The following LTV1 variants were observed in gnomAD, a reference collection of about 807,000 sequenced individuals.
LTV1 encodes LTV1 ribosome biogenesis factor, also known as protein LTV1 homolog.
LTV1 carries 39 observed loss-of-function variants against 59.9 expected under a neutral mutation model. The observed-to-expected ratio is 0.65, with a 90% CI of 0.50 to 0.85. LTV1 has a LOEUF of 0.85. Ranked by LOEUF, LTV1 falls within the 40% of genes least tolerant of loss-of-function variation. LTV1 has a pLI of 0.00. For missense variants in LTV1, 493 were observed against 549.1 expected (o/e 0.90, Z 1.02); for synonymous variants, 171 against 189.5 (o/e 0.90, Z 0.80).
At chr6:143,861,644 G>A (rs1777166586) in intron 7 of LTV1, among the ~76,000 whole-genome samples, 1 of 152,044 alleles carries the variant, frequency 6.6e-6, no homozygotes, top group African/African-American at 2.4e-5. Flanking sequence ...AGTTATTTTG[G>A]CAAATCAGCA....
Position 143,857,516 on chromosome 6 carries a change from A to G in LTV1, c.539+72A>G. On this transcript the variant is annotated intron_variant, in intron 5 of 10. Coordinates refer to ENST00000367576, the MANE Select transcript of LTV1 (RefSeq NM_032860.5). This position sits in a 1 kb window ranked among gnomAD's most constrained non-coding sequence, Gnocchi z 5.2. Reference sequence around the variant, plus strand: ...TGCTTCAGTGGGATGGTAACCATAGAACGTTACAGTTGGAAGAGACCTTCA... The same window carrying G: ...TGCTTCAGTGGGATGGTAACCATAGGACGTTACAGTTGGAAGAGACCTTCA... The G allele has an allele frequency of 7.2e-7, 1 of 1,381,632 alleles. No homozygotes were observed. The highest frequency in any genetic ancestry group is 1.0e-6 in the Non-Finnish European group (1 of 981,966). The allele number at this position is 1,381,632 out of a possible 1,614,324, so 85.6% of individuals were successfully genotyped here.
At position 143,863,154 on chromosome 6, in the gene LTV1, A is replaced by G. The variant is rs757498605; in HGVS notation, c.1185A>G (p.Thr395=). ...PLNVLPKKGL[T]AKQTERIQMI... ...ATGTCTTACCAAAGAAAGGACTCACAGCAAAGCAAACTGAAAGAATACAGA... is the reference window on the plus strand; with the variant it reads ...ATGTCTTACCAAAGAAAGGACTCACGGCAAAGCAAACTGAAAGAATACAGA... The change falls in exon 10 of 11, where the codon ACA becomes ACG. Residue 395 remains threonine, a synonymous_variant. Transcript: ENST00000367576. This position sits in a 1 kb window ranked among gnomAD's most constrained non-coding sequence, Gnocchi z 4.5. 8 of 1,614,058 alleles carry G rather than the reference A, an allele frequency of 5.0e-6. No individual in the cohort carries two copies. In the Admixed American group the frequency reaches 1.3e-4, roughly 27 times the overall value.
Position 143,850,171 on chromosome 6 carries a change from A to C in LTV1, c.350A>C (p.Glu117Ala). 1.2e-6 allele frequency: 2 copies of C among 1,613,890 alleles called. No individual in the cohort carries two copies. The highest frequency in any genetic ancestry group is 1.6e-4 in the Middle Eastern group (1 of 6,062). The change falls in exon 4 of 11, where the codon GAG becomes GCG. Residue 117 changes from glutamate (E) to alanine (A), a missense_variant. Transcript: ENST00000367576. ...IKLPSSVFAS[E>A]FEEDVGLLNK... ...TTGCCTTCATCAGTGTTTGCTTCAG[A>C]GTTTGAGGAAGATGTTGGATTGTTA... is the stretch of plus-strand genomic sequence containing the variant.
Position 143,863,611 on chromosome 6 carries a change from GTT to G in LTV1, c.*86_*87del. On this transcript the variant is annotated 3_prime_UTR_variant, in exon 11 of 11. Transcript: ENST00000367576. This position sits in a 1 kb window ranked among gnomAD's most constrained non-coding sequence, Gnocchi z 4.5. ...CTAGAAACTTCAGAAAGACAAAACT[GTT>G]TGCCATTTTTACTGGCAGATAAGAG... The G allele has an allele frequency of 1.2e-6, 1 of 856,640 alleles. No homozygotes were observed. The highest frequency in any genetic ancestry group is 1.8e-6 in the Non-Finnish European group (1 of 558,460). The allele number at this position is 856,640 out of a possible 1,614,324, so 53.1% of individuals were successfully genotyped here.
intron 1 of LTV1, among the ~76,000 whole-genome samples, chr6:143,844,105 G>A (rs1405165161): frequency 1.3e-5 from 2 of 152,194 alleles, no homozygotes; most frequent in Non-Finnish European, 2.9e-5. Flanking sequence ...TGTCATTCTA[G>A]TTCAGTCGGC....
chr6:143,849,577 A>G (rs1253650495), intron 3 of LTV1, among the ~76,000 whole-genome samples: 1 of 152,104 alleles, frequency 6.6e-6, no homozygotes, highest in African/African-American at 2.4e-5. Flanking sequence ...TATTATAGAG[A>G]GTTACTTTTG....
intron 7 of LTV1, 104 bp downstream of exon 7, chr6:143,860,657 T>C (rs1002304239): frequency 2.6e-5 from 23 of 881,964 alleles, no homozygotes; most frequent in Non-Finnish European, 3.7e-5. Context: ...AAAATTAACC[T>C]AGTCAAAATA....
chr6:143,849,912 ACATGG>A (rs2128491205), intron 3 of LTV1, among the ~76,000 whole-genome samples: 1 of 152,312 alleles, frequency 6.6e-6, no homozygotes, highest in South Asian at 2.1e-4. Flanking sequence ...TGTCATCTGC[ACATGG>A]CATTCTCCCC....
In LTV1 at chr6:143,846,078, CAG is replaced by C. The variant is rs1387230534; in HGVS notation, c.166_167del (p.Arg56GlufsTer7). 1.2e-6 allele frequency: 2 copies of C among 1,614,128 alleles called. No homozygotes were observed. Among genetic ancestry groups the C allele is most frequent in the Middle Eastern group, 1.6e-4 (1 of 6,062 alleles). ...KIDNEERRAE[Q>X]RKYGVFFDDD... Reference sequence around the variant, plus strand: ...AGACAATGAAGAAAGGCGAGCAGAACAGAGGAAGTATGGAGTGTTCTTTGATG... The same window carrying C: ...AGACAATGAAGAAAGGCGAGCAGAACAGGAAGTATGGAGTGTTCTTTGATG... On this transcript the variant is annotated frameshift_variant, in exon 3 of 11. Coordinates refer to ENST00000367576, the MANE Select transcript of LTV1 (RefSeq NM_032860.5). LOFTEE classifies it high-confidence loss of function.
chr6:143,856,147 T>C (rs1777073305), intron 4 of LTV1, among the ~76,000 whole-genome samples: 1 of 152,220 alleles, frequency 6.6e-6, no homozygotes, highest in Non-Finnish European at 1.5e-5. Flanking sequence ...CATTCTTTTT[T>C]CTCTAATCTT....
At chr6:143,859,030 T>C (rs1315313976) in intron 6 of LTV1, among the ~76,000 whole-genome samples, 2 of 152,172 alleles carry the variant, frequency 1.3e-5, no homozygotes, top group Non-Finnish European at 2.9e-5. Context: ...CCCCTTGAAT[T>C]CTGACATCCT....
At chr6:143,851,088 A>G (rs1381041488) in intron 4 of LTV1, among the ~76,000 whole-genome samples, 3 of 152,154 alleles carry the variant, frequency 2.0e-5, no homozygotes, top group African/African-American at 7.2e-5. Context: ...AAGGCAAGAG[A>G]ACGTGAATAT....
Position 143,860,412 on chromosome 6 carries a change from T to C in LTV1, c.796-14T>C, listed in dbSNP as rs1353552093. The stretch of plus-strand genomic sequence containing the variant: ...TTTGCTTTTCATGGTATCTTTTCTC[T>C]GTTTATATTCAAGTTTTATGAGCAA... On this transcript the variant is annotated splice_polypyrimidine_tract_variant and intron_variant, in intron 6 of 10. Coordinates refer to ENST00000367576, the MANE Select transcript of LTV1 (RefSeq NM_032860.5). 3 of 1,609,930 alleles carry C rather than the reference T, an allele frequency of 1.9e-6. No individual in the cohort carries two copies. The highest frequency in any genetic ancestry group is 1.3e-5 in the African/African-American group (1 of 74,708).
chr6:143,862,166 A>T lies in LTV1; in HGVS notation c.986A>T (p.Asp329Val), dbSNP rs1005074124. 2.5e-6 allele frequency: 4 copies of T among 1,613,928 alleles called. No individual in the cohort carries two copies. In the African/African-American group the frequency reaches 5.3e-5, roughly 22 times the overall value. ...CAAGACCTGCCAATGAATGAGCTTG[A>T]TGAGTCTGAGGAGGAAGAAATGATT... ...EDQDLPMNEL[D>V]ESEEEEMITV... The change falls in exon 8 of 11, where the codon GAT becomes GTT. Residue 329 changes from aspartate to valine, a missense_variant. Physicochemically the swap from Asp to Val is radical, Grantham distance 152 (BLOSUM62 -3). Transcript: ENST00000367576. The surrounding 1 kb of genome is among the most constrained non-coding windows in gnomAD (Gnocchi z 4.2).
intron 3 of LTV1, among the ~76,000 whole-genome samples, chr6:143,849,463 G>A (rs1305483033): frequency 6.6e-6 from 1 of 152,164 alleles, no homozygotes; most frequent in Non-Finnish European, 1.5e-5. Flanking sequence ...AGGCAGGTGG[G>A]CCATTTAAAC....
chr6:143,843,763 C>G (rs1467455440), intron 1 of LTV1, among the ~76,000 whole-genome samples: 1 of 152,136 alleles, frequency 6.6e-6, no homozygotes, highest in Non-Finnish European at 1.5e-5. Context: ...TAACTAAAAG[C>G]TGGTGACTGC....
rs756821733 is a variant in LTV1 at position 143,862,813 on chromosome 6, A to C, written c.1064-31A>C. 5.2e-6 allele frequency: 7 copies of C among 1,344,558 alleles called. No individual in the cohort carries two copies. The highest frequency in any genetic ancestry group is 7.5e-6 in the Non-Finnish European group (7 of 934,946). 83.3% of individuals were successfully genotyped at this position (1,344,558 alleles called of 1,614,324 possible). On this transcript the variant is annotated intron_variant, in intron 8 of 10. Transcript: ENST00000367576. The surrounding 1 kb of genome is among the most constrained non-coding windows in gnomAD (Gnocchi z 4.2). ...GCTTTGTGGAACTGAAAACATGCTT[A>C]CTGATACATGACTTTTATTTGTTTG...
chr6:143,844,391 A>C (rs991563499), intron 1 of LTV1, 95 bp from the exon 2 acceptor site: 1 of 1,340,386 alleles, frequency 7.5e-7, no homozygotes, highest in Non-Finnish European at 1.0e-6. Context: ...AAGTATCTTT[A>C]ACATGACTAC....
rs1266853789 is a variant in LTV1 at position 143,857,648 on chromosome 6, C to T, written c.540-104C>T. 1.5e-6 allele frequency: 2 copies of T among 1,332,110 alleles called. No individual in the cohort carries two copies. Among genetic ancestry groups the T allele is most frequent in the Non-Finnish European group, 2.1e-6 (2 of 945,876 alleles). The allele number at this position is 1,332,110 out of a possible 1,614,324, so 82.5% of individuals were successfully genotyped here. A position where few individuals can be genotyped will look rare whatever the true frequency, so the allele number is the denominator to read the frequency against. On this transcript the variant is annotated intron_variant, in intron 5 of 10. Transcript: ENST00000367576. This position sits in a 1 kb window ranked among gnomAD's most constrained non-coding sequence, Gnocchi z 5.2. Reference sequence around the variant, plus strand: ...AACACCCTCACTCTTCCTGCCTAGACAAGAACCCTTCCTGAAATACCTTCC... The same window carrying T: ...AACACCCTCACTCTTCCTGCCTAGATAAGAACCCTTCCTGAAATACCTTCC...
Sources: allele counts gnomAD v4.1 joint callset (sites outside exome capture counted in the v4.1 genomes callset), GRCh38; gene constraint gnomAD v4.1.1; non-coding constraint Gnocchi (gnomAD v3.1); transcripts MANE v1.5; gene names NCBI Gene and HGNC (gene_info 2026-07-23, HGNC 2026-07-21).